SIKE1: variants seen among roughly 807,000 people sequenced by gnomAD.
The protein encoded by SIKE1 is suppressor of IKBKE 1, also known as suppressor of IKK epsilon.
SIKE1 carries 13 observed loss-of-function variants against 25.8 expected under a neutral mutation model. That is an observed-to-expected ratio of 0.50 (90% CI 0.33 to 0.80). The LOEUF (loss-of-function observed/expected upper bound fraction) is 0.80, where lower values mean the gene tolerates loss of function less well. Ranked by LOEUF, SIKE1 falls within the 30% of genes least tolerant of loss-of-function variation. The pLI, the probability that SIKE1 is intolerant of heterozygous loss-of-function variation, is 0.02. For missense variants in SIKE1, 222 were observed against 252.4 expected, an observed-to-expected ratio of 0.88 and a Z score of 0.82; for synonymous variants, 86 against 95.5, an observed-to-expected ratio of 0.90 and a Z score of 0.58.
At position 114,771,038 on chromosome 1, in the gene SIKE1, T is replaced by C. The variant is rs1435049967; in HGVS notation, c.*3233A>G. 2 of 152,230 alleles carry C rather than the reference T, an allele frequency of 1.3e-5. No homozygotes were observed. Among genetic ancestry groups the C allele is most frequent in the Non-Finnish European group, 2.9e-5 (2 of 68,048 alleles). 9.4% of individuals were successfully genotyped at this position (152,230 alleles called of 1,614,324 possible). ...ATATATATAGCTGGCACAGGCCATT[T>C]CCATTTTTTCTTCCTTGCCTTCAAC... On this transcript the variant is annotated 3_prime_UTR_variant, in exon 5 of 5. Coordinates refer to ENST00000060969, the MANE Select transcript of SIKE1 (RefSeq NM_025073.3).
rs148582859 is a variant in SIKE1 at position 114,780,157 on chromosome 1, A to G, written c.218T>C (p.Leu73Pro). The G allele has an allele frequency of 6.2e-7, 1 of 1,614,130 alleles. No homozygotes were observed. The highest frequency in any genetic ancestry group is 8.5e-7 in the Non-Finnish European group (1 of 1,179,988). The change falls in exon 2 of 5, where the codon CTG (leucine) becomes CCG (proline). Residue 73 changes from leucine to proline, a missense_variant. By Grantham distance (98) the Leu-to-Pro change is moderately conservative. Coordinates refer to ENST00000060969, the MANE Select transcript of SIKE1 (RefSeq NM_025073.3). ...TCTAATCTGTGTGTTCTCTTGGGAC[A>G]GCAGAATGTGAGGTTTGTATTTGGA... The part of the protein sequence containing the change: ...DMSKYKPHIL[L>P]SQENTQIRDL...
rs533663283 is a variant in SIKE1, at chr1:114,770,604, G to C, written c.*3667C>G. ...AAGGAGGCTGAGAAAACATTACCTGGTACTTTCAAATTCTTTAGGAGGAAG... is the reference window on the plus strand; with the variant it reads ...AAGGAGGCTGAGAAAACATTACCTGCTACTTTCAAATTCTTTAGGAGGAAG... On this transcript the variant is annotated 3_prime_UTR_variant, in exon 5 of 5. Coordinates refer to ENST00000060969, the MANE Select transcript of SIKE1 (RefSeq NM_025073.3). The C allele has an allele frequency of 6.6e-6, 1 of 152,096 alleles. No homozygotes were observed. The highest frequency in any genetic ancestry group is 2.4e-5 in the African/African-American group (1 of 41,408). 9.4% of individuals were successfully genotyped at this position (152,096 alleles called of 1,614,324 possible).
In SIKE1 at chr1:114,779,184, C is replaced by G; in HGVS notation, c.366G>C (p.Val122=). 1 of 1,614,158 alleles carries G rather than the reference C, an allele frequency of 6.2e-7. No individual in the cohort carries two copies. Reference sequence around the variant, plus strand: ...GAGCTTTCAGGACTGGTTCAGCATCCACCGCTTTTTTAGCAACCATTAACT... The same window carrying G: ...GAGCTTTCAGGACTGGTTCAGCATCGACCGCTTTTTTAGCAACCATTAACT... The part of the protein sequence containing the change: ...MLQLMVAKKA[V]DAEPVLKAHQ... Residue 122 remains valine (V), a synonymous_variant, in exon 3 of 5, where the codon GTG becomes GTC. Coordinates refer to ENST00000060969, the MANE Select transcript of SIKE1 (RefSeq NM_025073.3).
chr1:114,779,811 A>G (rs1385833164), intron 2 of SIKE1, among the ~76,000 whole-genome samples: 1 of 152,250 alleles, frequency 6.6e-6, no homozygotes, highest in Non-Finnish European at 1.5e-5. Context: ...ATTAATACTT[A>G]AACATTAAAT....
In SIKE1 at chr1:114,772,211, T is replaced by A. The variant is rs1662088516; in HGVS notation, c.*2060A>T. 2 of 152,182 alleles carry A rather than the reference T, an allele frequency of 1.3e-5. No individual in the cohort carries two copies. The highest frequency in any genetic ancestry group is 6.5e-5 in the Admixed American group (1 of 15,282). The allele number at this position is 152,182 out of a possible 1,614,324, so 9.4% of individuals were successfully genotyped here. A position where few individuals can be genotyped will look rare whatever the true frequency, so the allele number is the denominator to read the frequency against. ...ACCCTCTGCACTTCCTCATTTGACTTACTACTGAGTAAAATTAGCTTATCT... is the reference window on the plus strand; with the variant it reads ...ACCCTCTGCACTTCCTCATTTGACTAACTACTGAGTAAAATTAGCTTATCT... On this transcript the variant is annotated 3_prime_UTR_variant, in exon 5 of 5. Coordinates refer to ENST00000060969, the MANE Select transcript of SIKE1 (RefSeq NM_025073.3).
chr1:114,776,512 T>C (rs1662244734), intron 3 of SIKE1, 53 bp from the exon 4 acceptor site: 6 of 1,145,496 alleles, frequency 5.2e-6, no homozygotes, highest in South Asian at 2.5e-5. Flanking sequence ...TCTGTAGATA[T>C]AAAGAACGTA....
intron 4 of SIKE1, among the ~76,000 whole-genome samples, chr1:114,774,792 A>G (rs1458017664): frequency 1.3e-5 from 2 of 152,164 alleles, no homozygotes; most frequent in East Asian, 3.9e-4. Context: ...AGTTCTAGAG[A>G]AATGGAAGGA....
In SIKE1 at chr1:114,779,256, C is replaced by T; in HGVS notation, c.294G>A (p.Gln98=). 3 of 1,614,200 alleles carry T rather than the reference C, an allele frequency of 1.9e-6. No homozygotes were observed. The highest frequency in any genetic ancestry group is 8.5e-7 in the Non-Finnish European group (1 of 1,180,024). The change falls in exon 3 of 5, where the codon CAG becomes CAA. Residue 98 remains glutamine (Q), a synonymous_variant. Transcript: ENST00000060969. ...TGCTCATGATAAGTTCCAAAGCATC[C>T]TGGTGTTCCTCCAAGGAAATCCATA... The part of the protein sequence containing the change: ...RELWISLEEH[Q]DALELIMSKY...
At position 114,772,194 on chromosome 1, in the gene SIKE1, C is replaced by T. The variant is rs1662087747; in HGVS notation, c.*2077G>A. ...TATATATATGTAAAAAAACCCTCTG[C>T]ACTTCCTCATTTGACTTACTACTGA... On this transcript the variant is annotated 3_prime_UTR_variant, in exon 5 of 5. Transcript: ENST00000060969. 6.6e-6 allele frequency: 1 copy of T among 152,162 alleles called. No individual in the cohort carries two copies. The highest frequency in any genetic ancestry group is 2.1e-4 in the South Asian group (1 of 4,830). The allele number at this position is 152,162 out of a possible 1,614,324, so 9.4% of individuals were successfully genotyped here.
intron 3 of SIKE1, among the ~76,000 whole-genome samples, chr1:114,777,571 A>C (rs1370776142): frequency 6.6e-6 from 1 of 152,172 alleles, no homozygotes; most frequent in African/African-American, 2.4e-5. Context: ...CAAGATTTCA[A>C]AGGATCTGAT....
intron 4 of SIKE1, among the ~76,000 whole-genome samples, chr1:114,776,080 A>G (rs965430566): frequency 7.2e-5 from 11 of 152,190 alleles, no homozygotes; most frequent in African/African-American, 2.2e-4. Flanking sequence ...TATCTCACAT[A>G]TAACTTCTCC....
At chr1:114,780,073 T>C (rs569286065) in intron 2 of SIKE1, 37 bp downstream of exon 2, 1 of 1,481,650 alleles carries the variant, frequency 6.7e-7, no homozygotes, top group Non-Finnish European at 9.3e-7. Context: ...TTGCAATAAC[T>C]TTAAACTATT....
At chr1:114,776,499 T>C (rs938821303) in intron 3 of SIKE1, 40 bp from the exon 4 acceptor site, 1 of 1,297,184 alleles carries the variant, frequency 7.7e-7, no homozygotes, top group African/African-American at 1.5e-5. Flanking sequence ...AAAAATCACC[T>C]GTTCTGTAGA....
rs142475097 is a variant in SIKE1, at chr1:114,774,376, GA to G, written c.523-5del. The stretch of plus-strand genomic sequence containing the variant: ...CTCGAAGTTCCTTATTTTCAAGCTG[GA>G]AAAAAAAAGGCATGTTTATTTCTGG... On this transcript the variant is annotated splice_region_variant and splice_polypyrimidine_tract_variant and intron_variant, in intron 4 of 4. Coordinates refer to ENST00000060969, the MANE Select transcript of SIKE1 (RefSeq NM_025073.3). 13,130 of 1,559,760 alleles carry G rather than the reference GA, an allele frequency of 8.4e-3. 1,363 individuals are homozygous for G. In the East Asian group the frequency reaches 0.24, roughly 28 times the overall value.
At chr1:114,777,228 G>C (rs1306399616) in intron 3 of SIKE1, among the ~76,000 whole-genome samples, 10 of 152,006 alleles carry the variant, frequency 6.6e-5, no homozygotes, top group African/African-American at 2.2e-4. Context: ...TTTTGCACAT[G>C]TACCCTAGAA....
chr1:114,778,878 C>T, intron 3 of SIKE1: 1 of 462,510 alleles, frequency 2.2e-6, no homozygotes, highest in South Asian at 3.0e-5. Flanking sequence ...AACAAACAAA[C>T]AAACAAACAA....
In SIKE1 at chr1:114,773,620, T is replaced by C. The variant is rs1289156474; in HGVS notation, c.*651A>G. On this transcript the variant is annotated 3_prime_UTR_variant, in exon 5 of 5. Transcript: ENST00000060969. ...TTTGAACAATATGAACTTTGGACAA[T>C]ATGACAACTATAGCATCACTGGGCA... 4 of 152,622 alleles carry C rather than the reference T, an allele frequency of 2.6e-5. No homozygotes were observed. Among genetic ancestry groups the C allele is most frequent in the Non-Finnish European group, 5.9e-5 (4 of 68,034 alleles). 9.5% of individuals were successfully genotyped at this position (152,622 alleles called of 1,614,324 possible).
intron 3 of SIKE1, chr1:114,778,930 A>G (rs1662325801): frequency 3.5e-6 from 2 of 573,060 alleles, no homozygotes; most frequent in Non-Finnish European, 6.2e-6. Flanking sequence ...GGTGGTGTGC[A>G]CCTGTAGTCC....
At position 114,773,156 on chromosome 1, in the gene SIKE1, T is replaced by C. The variant is rs539978102; in HGVS notation, c.*1115A>G. Reference sequence around the variant, plus strand: ...AAATGTGAGTAAACTGGGACGGGAATGAGTTGATGAGTGAACCCAGTTGAC... The same window carrying C: ...AAATGTGAGTAAACTGGGACGGGAACGAGTTGATGAGTGAACCCAGTTGAC... On this transcript the variant is annotated 3_prime_UTR_variant, in exon 5 of 5. Transcript: ENST00000060969. 1 of 152,256 alleles carries C rather than the reference T, an allele frequency of 6.6e-6. No homozygotes were observed. Among genetic ancestry groups the C allele is most frequent in the African/African-American group, 2.4e-5 (1 of 41,562 alleles). The allele number at this position is 152,256 out of a possible 1,614,324, so 9.4% of individuals were successfully genotyped here. A position where few individuals can be genotyped will look rare whatever the true frequency, so the allele number is the denominator to read the frequency against.
Sources: gnomAD v4.1 joint callset for allele counts (sites outside exome capture counted in the v4.1 genomes callset) on GRCh38, gnomAD v4.1.1 for gene constraint, MANE v1.5 for transcripts, NCBI Gene and HGNC (gene_info 2026-07-23, HGNC 2026-07-21) for gene names.